The following CCDC57 variants were observed in gnomAD, a reference collection of about 807,000 sequenced individuals.
The protein encoded by CCDC57 is coiled-coil domain-containing protein 57.
In CCDC57, 118 loss-of-function variants were observed where a neutral mutation model predicts 118.9. The observed-to-expected ratio is 0.99, with a 90% confidence interval of 0.86 to 1.16. CCDC57 has a LOEUF of 1.16. Among genes scored for constraint, CCDC57 ranks in the 50% most tolerant of loss-of-function variants. The pLI is 0.00. For missense variants in CCDC57, 1,300 were observed against 1,320.7 expected, an observed-to-expected ratio of 0.98 and a Z score of 0.24; for synonymous variants, 527 against 532.9, an observed-to-expected ratio of 0.99 and a Z score of 0.15.
At position 82,132,247 on chromosome 17, in the gene CCDC57, G is replaced by A. The variant is rs145088364; in HGVS notation, c.2577+1826C>T. Reference sequence around the variant, plus strand: ...GTCACAAAGCCACAGTATTTAAAGCGGTATAGTACCATTTCAGGAACAGAC... The same window carrying A: ...GTCACAAAGCCACAGTATTTAAAGCAGTATAGTACCATTTCAGGAACAGAC... On this transcript the variant is annotated intron_variant, in intron 17 of 19. Coordinates refer to ENST00000665763, the Ensembl canonical transcript of CCDC57. Among the ~76,000 whole-genome samples, 17 of 152,134 alleles carry A rather than the reference G, an allele frequency of 1.1e-4. No individual in the cohort carries two copies. In the East Asian group the frequency reaches 2.7e-3, roughly 24 times the overall value.
At chr17:82,162,922 G>A (rs1568321833) in intron 14 of CCDC57, among the ~76,000 whole-genome samples, 1 of 152,160 alleles carries the variant, frequency 6.6e-6, no homozygotes, top group South Asian at 2.1e-4. Flanking sequence ...CCCTCTGAGC[G>A]GGCACAGCCA....
At chr17:82,202,256 C>G (rs2049082575) in intron 2 of CCDC57, among the ~76,000 whole-genome samples, 1 of 152,196 alleles carries the variant, frequency 6.6e-6, no homozygotes. Context: ...CACTTGAGGT[C>G]AGGAGATCGA....
At chr17:82,111,210 C>T (rs2035217571) in intron 19 of CCDC57, among the ~76,000 whole-genome samples, 1 of 151,058 alleles carries the variant, frequency 6.6e-6, no homozygotes, top group Non-Finnish European at 1.5e-5. Flanking sequence ...ATTCTCCTGC[C>T]TCAGCCTCCC....
In CCDC57 at chr17:82,133,951, T is replaced by C. The variant is rs1439986162; in HGVS notation, c.2577+122A>G. 4 of 999,686 alleles carry C rather than the reference T, an allele frequency of 4.0e-6. No homozygotes were observed. In the African/African-American group the frequency reaches 6.8e-5, roughly 17 times the overall value. The allele number at this position is 999,686 out of a possible 1,614,324, so 61.9% of individuals were successfully genotyped here. ...TTGAAATGTTACTAATAACTATATC[T>C]GGATCCTGAAAATTGGAGGCTTTTT... On this transcript the variant is annotated intron_variant, in intron 17 of 19. Coordinates refer to ENST00000665763, the Ensembl canonical transcript of CCDC57.
intron 8 of CCDC57, among the ~76,000 whole-genome samples, 179 bp from the exon 8 acceptor site, chr17:82,184,111 G>A (rs1013004799): frequency 2.1e-5 from 3 of 145,456 alleles, no homozygotes; most frequent in Non-Finnish European, 4.5e-5. Flanking sequence ...TCCTGGCCTA[G>A]ATGATGAAGA....
intron 16 of CCDC57, among the ~76,000 whole-genome samples, chr17:82,144,266 C>A (rs1297682279): frequency 6.6e-6 from 1 of 152,030 alleles, no homozygotes; most frequent in Admixed American, 6.6e-5. Flanking sequence ...GCTACGATGG[C>A]ACCACCATGC....
rs569555268 is a variant in CCDC57, at chr17:82,199,960, C to T, written c.408-1538G>A. Among the ~76,000 whole-genome samples, 5 of 152,322 alleles carry T rather than the reference C, an allele frequency of 3.3e-5. No individual in the cohort carries two copies. The South Asian group carries it at 1.0e-3, about 32-fold the overall frequency. The stretch of plus-strand genomic sequence containing the variant: ...AGAGAGGGACCATCAACACTGTGGG[C>T]TTCCCAGAAGACGGTGGCGCTCAGG... On this transcript the variant is annotated intron_variant, in intron 3 of 19. Transcript: ENST00000665763.
intron 7 of CCDC57, among the ~76,000 whole-genome samples, 191 bp from the exon 7 acceptor site, chr17:82,188,610 G>C (rs918705662): frequency 2.6e-5 from 4 of 152,196 alleles, no homozygotes; most frequent in Non-Finnish European, 5.9e-5. Flanking sequence ...GCCACTTTTC[G>C]ATGCCAGGCC....
In CCDC57 at chr17:82,138,762, CTG is replaced by C. The variant is rs2039635379; in HGVS notation, c.2456-4570_2456-4569del. ...CTTGTTCGTCTGAGGCACTGAGGAACTGTGTGCTGTGCTGCACGGAGACGTCC... is the reference window on the plus strand; with the variant it reads ...CTTGTTCGTCTGAGGCACTGAGGAACTGTGCTGTGCTGCACGGAGACGTCC... On this transcript the variant is annotated intron_variant, in intron 16 of 19. Coordinates refer to ENST00000665763, the Ensembl canonical transcript of CCDC57. Among the ~76,000 whole-genome samples the C allele has an allele frequency of 4.1e-5, 6 of 148,072 alleles. No homozygotes were observed. The South Asian group carries it at 1.1e-3, about 26-fold the overall frequency.
intron 7 of CCDC57, among the ~76,000 whole-genome samples, chr17:82,188,653 G>A (rs2047279273): frequency 2.0e-5 from 3 of 152,256 alleles, no homozygotes; most frequent in African/African-American, 7.2e-5. Flanking sequence ...ACAGCCCCCT[G>A]GAGAAGGACA....
chr17:82,143,854 T>C (rs936917493), intron 16 of CCDC57, among the ~76,000 whole-genome samples: 6 of 151,260 alleles, frequency 4.0e-5, no homozygotes, highest in African/African-American at 1.5e-4. Flanking sequence ...ATCCCAGAAC[T>C]TCAGGAGGCC....
At chr17:82,139,324 T>C (rs1010735557) in intron 16 of CCDC57, among the ~76,000 whole-genome samples, 1 of 148,802 alleles carries the variant, frequency 6.7e-6, no homozygotes, top group African/African-American at 2.5e-5. Context: ...ACCATGGCCA[T>C]GTGCAGTCTT....
In CCDC57 at chr17:82,151,475, C is replaced by T; in HGVS notation, c.2455+85G>A. ...TGCACCCCCAGAATCTGACCCACATCCAGAACCTGGCGCACACCCAGAACC... is the reference window on the plus strand; with the variant it reads ...TGCACCCCCAGAATCTGACCCACATTCAGAACCTGGCGCACACCCAGAACC... On this transcript the variant is annotated intron_variant, in intron 16 of 19. Coordinates refer to ENST00000665763, the Ensembl canonical transcript of CCDC57. 3 of 1,301,346 alleles carry T rather than the reference C, an allele frequency of 2.3e-6. No homozygotes were observed. The South Asian group carries it at 4.1e-5, about 18-fold the overall frequency. The allele number at this position is 1,301,346 out of a possible 1,614,324, so 80.6% of individuals were successfully genotyped here. A position where few individuals can be genotyped will look rare whatever the true frequency, so the allele number is the denominator to read the frequency against.
intron 8 of CCDC57, among the ~76,000 whole-genome samples, chr17:82,186,390 C>T (rs967154277): frequency 3.9e-4 from 59 of 152,298 alleles, no homozygotes; most frequent in African/African-American, 1.1e-3. Flanking sequence ...CCAGTCACCT[C>T]GGCCGCACTA....
In CCDC57 at chr17:82,172,815, A is replaced by C. The variant is rs1417685727; in HGVS notation, c.1552T>G (p.Ser518Ala). The C allele has an allele frequency of 6.2e-7, 1 of 1,613,420 alleles. No homozygotes were observed. Among genetic ancestry groups the C allele is most frequent in the East Asian group, 2.2e-5 (1 of 44,876 alleles). ...TCTCGGAGCCGCTGGATCTCACTGG[A>C]TGGAAAGTCTTTACTTATTTCTTCT... is the stretch of plus-strand genomic sequence containing the variant. The change falls in exon 12 of 20, where the codon TCC (serine) becomes GCC (alanine). Residue 518 changes from serine to alanine, a missense_variant. Coordinates refer to ENST00000665763, the Ensembl canonical transcript of CCDC57. The surrounding 1 kb of genome is among the most constrained non-coding windows in gnomAD (Gnocchi z 5.2).
rs763890857 is a variant in CCDC57 at position 82,188,285 on chromosome 17, G to A, written c.986C>T (p.Ala329Val). 2.5e-5 allele frequency: 40 copies of A among 1,585,630 alleles called. No homozygotes were observed. The East Asian group carries it at 4.4e-4, about 17-fold the overall frequency. The change falls in exon 8 of 20, where the codon GCG (alanine) becomes GTG (valine). Residue 329 changes from alanine to valine, a missense_variant. Ala to Val is a moderately conservative substitution (Grantham distance 64). Coordinates refer to ENST00000665763, the Ensembl canonical transcript of CCDC57. ...TCTCCACTCTGCCCTGCGGAGCTGC[G>A]CCTCGAGGGTCTCGCAGTGGGCCTG... is the stretch of plus-strand genomic sequence containing the variant.
intron 17 of CCDC57, among the ~76,000 whole-genome samples, chr17:82,132,407 T>C (rs142297839): frequency 6.6e-6 from 1 of 151,226 alleles, no homozygotes; most frequent in East Asian, 1.9e-4. Context: ...GCGGAGGGAG[T>C]GTTCTGGGTT....
At chr17:82,189,548 G>A (rs1168189384) in intron 7 of CCDC57, among the ~76,000 whole-genome samples, 5 of 151,994 alleles carry the variant, frequency 3.3e-5, no homozygotes, top group Non-Finnish European at 7.4e-5. Context: ...TGAGCTGATG[G>A]ATGATTTAAA....
chr17:82,119,122 A>AGGGGTG (rs1184606222), intron 19 of CCDC57, among the ~76,000 whole-genome samples: 2 of 546 alleles, frequency 3.7e-3, no homozygotes, highest in African/African-American at 8.6e-3. Flanking sequence ...GAGTGGGGGC[A>AGGGGTG]GGGGTGGGGG....
Sources: allele counts gnomAD v4.1 joint callset (sites outside exome capture counted in the v4.1 genomes callset), GRCh38; gene constraint gnomAD v4.1.1; non-coding constraint Gnocchi (gnomAD v3.1); transcripts MANE v1.5; gene names NCBI Gene and HGNC (gene_info 2026-07-23, HGNC 2026-07-21).